MAGI2: variants seen among roughly 807,000 people sequenced by gnomAD.
The protein encoded by MAGI2 is membrane associated guanylate kinase, WW and PDZ domain containing 2.
In MAGI2, 35 loss-of-function variants were observed where a neutral mutation model predicts 133.3. The observed-to-expected ratio is 0.26, with a 90% CI of 0.20 to 0.35. The LOEUF is 0.35. MAGI2 is among the 10% of genes least tolerant of loss of function. MAGI2 has a pLI of 1.00. For synonymous variants in MAGI2, 729 were observed against 710.6 expected, an observed-to-expected ratio of 1.03 and a Z score of -0.41; for missense variants, 1,636 against 1,863.4, an observed-to-expected ratio of 0.88 and a Z score of 2.25.
chr7:78,997,793 A>G (rs1191092430), intron 2 of MAGI2, among the ~76,000 whole-genome samples: 1 of 152,114 alleles, frequency 6.6e-6, no homozygotes, highest in Admixed American at 6.5e-5. Flanking sequence ...AGCTATATCT[A>G]TTTGGGCTTC....
intron 7 of MAGI2, among the ~76,000 whole-genome samples, chr7:78,361,486 CAAAG>C (rs1792805720): frequency 6.7e-6 from 1 of 150,060 alleles, no homozygotes. Context: ...AATATATTCT[CAAAG>C]AAATGTTGGT....
chr7:78,902,131 T>G (rs1219063133), intron 2 of MAGI2, among the ~76,000 whole-genome samples: 1 of 152,196 alleles, frequency 6.6e-6, no homozygotes, highest in Admixed American at 6.5e-5. Flanking sequence ...TTTGTATTCT[T>G]CTGTAAATTC....
chr7:79,088,798 G>T (rs1816773913), intron 1 of MAGI2, among the ~76,000 whole-genome samples: 1 of 151,914 alleles, frequency 6.6e-6, no homozygotes, highest in Non-Finnish European at 1.5e-5. Flanking sequence ...TCCTGTTTAT[G>T]TGATGGATTA....
At chr7:78,131,290 T>A (rs894827265) in intron 18 of MAGI2, among the ~76,000 whole-genome samples, 1 of 152,246 alleles carries the variant, frequency 6.6e-6, no homozygotes, top group African/African-American at 2.4e-5. Flanking sequence ...ATGGGGCTTT[T>A]CTCTTCCTTG....
chr7:78,356,942 A>C (rs1414316254), intron 7 of MAGI2, among the ~76,000 whole-genome samples: 1 of 152,218 alleles, frequency 6.6e-6, no homozygotes, highest in Non-Finnish European at 1.5e-5. Context: ...GATTTTGTCT[A>C]CCACTCACTA....
intron 10 of MAGI2, among the ~76,000 whole-genome samples, chr7:78,240,492 C>T (rs1447033935): frequency 3.3e-5 from 5 of 152,048 alleles, no homozygotes; most frequent in African/African-American, 9.7e-5. Flanking sequence ...TTTGCAACAG[C>T]GTGGGTGAAC....
chr7:78,309,667 A>C (rs1203388236), intron 9 of MAGI2, among the ~76,000 whole-genome samples: 1 of 152,078 alleles, frequency 6.6e-6, no homozygotes, highest in Non-Finnish European at 1.5e-5. Context: ...CCCTGAAACT[A>C]AAATAAAAAA....
chr7:79,058,374 A>C (rs967088409), intron 1 of MAGI2, among the ~76,000 whole-genome samples: 4 of 152,120 alleles, frequency 2.6e-5, no homozygotes, highest in African/African-American at 9.7e-5. Context: ...AGGATTCTAG[A>C]AAATACATGT....
chr7:79,229,758 T>C (rs1445663064), intron 1 of MAGI2, among the ~76,000 whole-genome samples: 4 of 152,132 alleles, frequency 2.6e-5, no homozygotes, highest in Non-Finnish European at 2.9e-5. Flanking sequence ...CAAAATTTAT[T>C]TGAAAAATAT....
In MAGI2 at chr7:78,256,131, G is replaced by C. The variant is rs1175493819; in HGVS notation, c.1859C>G (p.Ala620Gly). The C allele has an allele frequency of 8.7e-6, 14 of 1,613,816 alleles. No homozygotes were observed. The highest frequency in any genetic ancestry group is 1.2e-5 in the Non-Finnish European group (14 of 1,179,898). Reference protein sequence around the residue: ...KGAQGFGFTIADSPTGQRVKQ... With the variant: ...KGAQGFGFTIGDSPTGQRVKQ... Reference sequence around the variant, plus strand: ...CACCCGCTGTCCTGTAGGACTGTCGGCAATAGTGAAGCCGAAGCCCTGGGC... The same window carrying C: ...CACCCGCTGTCCTGTAGGACTGTCGCCAATAGTGAAGCCGAAGCCCTGGGC... The change falls in exon 10 of 22, where the codon GCC becomes GGC. Residue 620 changes from alanine (A) to glycine (G), a missense_variant. Around this residue, in one of 5 missense-constraint regions of MAGI2, gnomAD observed 920 missense variants for 1,093.5 expected, o/e 0.84. Coordinates refer to ENST00000354212, the MANE Select transcript of MAGI2 (RefSeq NM_012301.4).
At chr7:78,160,601 C>T (rs1782308740) in intron 15 of MAGI2, among the ~76,000 whole-genome samples, 1 of 152,128 alleles carries the variant, frequency 6.6e-6, no homozygotes, top group Admixed American at 6.5e-5. Flanking sequence ...TTCTTCTTTG[C>T]ATAAGAATAA....
At chr7:79,414,235 T>C (rs1410835473) in intron 1 of MAGI2, 2 of 152,190 alleles carry the variant, frequency 1.3e-5, no homozygotes, top group Admixed American at 6.6e-5. Flanking sequence ...TAAACACACA[T>C]ATTTCACTGA....
chr7:78,851,749 T>A (rs994755414), intron 2 of MAGI2, among the ~76,000 whole-genome samples: 1 of 152,178 alleles, frequency 6.6e-6, no homozygotes, highest in Non-Finnish European at 1.5e-5. Context: ...CGTCTGTAGT[T>A]AGAGTTCATT....
At chr7:79,092,547 C>T (rs998380605) in intron 1 of MAGI2, among the ~76,000 whole-genome samples, 3 of 152,148 alleles carry the variant, frequency 2.0e-5, no homozygotes, top group African/African-American at 7.2e-5. Context: ...ATTTAGGCAT[C>T]TTAAATGGGT....
At chr7:78,543,520 A>G (rs1177855608) in intron 3 of MAGI2, among the ~76,000 whole-genome samples, 1 of 152,210 alleles carries the variant, frequency 6.6e-6, no homozygotes, top group Admixed American at 6.5e-5. Flanking sequence ...TCATTCAGCA[A>G]TTTCCTTTAT....
chr7:78,885,251 G>A (rs1796171302), intron 2 of MAGI2, among the ~76,000 whole-genome samples: 1 of 152,094 alleles, frequency 6.6e-6, no homozygotes. Flanking sequence ...CCAAACCTCA[G>A]CATCAGGAGA....
At chr7:78,545,623 C>A (rs57994143) in intron 3 of MAGI2, among the ~76,000 whole-genome samples, 1 of 152,228 alleles carries the variant, frequency 6.6e-6, no homozygotes, top group South Asian at 2.1e-4. Context: ...AATTGCTAAC[C>A]GCTATTTAAT....
In MAGI2 at chr7:78,626,826, ATGTGTGTGTG is replaced by A. The variant is rs71085549; in HGVS notation, c.538+284_538+293del. On this transcript the variant is annotated intron_variant, in intron 3 of 21. Transcript: ENST00000354212. ...AGGAGACAAGCACAAGAATACTTCA[ATGTGTGTGTG>A]TGTGTGTGTGTGTGTGTGTGTGTGT... is the stretch of plus-strand genomic sequence containing the variant. Among the ~76,000 whole-genome samples, 29,531 of 148,320 alleles carry A rather than the reference ATGTGTGTGTG, an allele frequency of 0.2. 3,086 individuals carry two copies. The highest frequency in any genetic ancestry group is 0.27 in the Middle Eastern group (76 of 284).
At chr7:78,355,159 T>C (rs1405173614) in intron 7 of MAGI2, among the ~76,000 whole-genome samples, 1 of 152,200 alleles carries the variant, frequency 6.6e-6, no homozygotes, top group East Asian at 1.9e-4. Context: ...GTAACTGTAA[T>C]GGGGGATGTA....
Sources: allele counts gnomAD v4.1 joint callset (sites outside exome capture counted in the v4.1 genomes callset), GRCh38; gene constraint gnomAD v4.1.1; regional missense constraint gnomAD v4.1.1; transcripts MANE v1.5; gene names NCBI Gene and HGNC (gene_info 2026-07-23, HGNC 2026-07-21).